Variants in DRAM1 observed in about 807,000 individuals in gnomAD.
DRAM1 encodes the protein DNA damage-regulated autophagy modulator protein 1.
DRAM1 carries 25 observed loss-of-function variants against 28.5 expected under a neutral mutation model. The ratio of observed to expected loss-of-function variants is 0.88; its 90% CI spans 0.64 to 1.23. The LOEUF is 1.23. DRAM1 is among the 50% of genes most tolerant of loss of function. The pLI, the probability that DRAM1 is intolerant of heterozygous loss-of-function variation, is 0.00. For synonymous variants in DRAM1, 113 were observed against 114.2 expected, an observed-to-expected ratio of 0.99 and a Z score of 0.07; for missense variants, 249 against 299.2, an observed-to-expected ratio of 0.83 and a Z score of 1.24.
chr12:101,918,225 A>T (rs1418472311), intron 5 of DRAM1, among the ~76,000 whole-genome samples: 1 of 151,962 alleles, frequency 6.6e-6, no homozygotes, highest in African/African-American at 2.4e-5. Context: ...TGGTAGGGGG[A>T]GGTGAGAATT....
Position 101,908,310 on chromosome 12 carries a change from C to T in DRAM1, c.467C>T (p.Thr156Ile), listed in dbSNP as rs1374665648. Residue 156 changes from threonine (T) to isoleucine (I), a missense_variant, in exon 4 of 7, where the codon ACA (threonine) becomes ATA (isoleucine). Thr to Ile is a moderately conservative substitution (Grantham distance 89). Coordinates refer to ENST00000258534, the MANE Select transcript of DRAM1 (RefSeq NM_018370.3). ...TGTCCCCAGTGGAACAGTCTCTCGACATGCCACATACGGATGGTCATCTCT... is the reference window on the plus strand; with the variant it reads ...TGTCCCCAGTGGAACAGTCTCTCGATATGCCACATACGGATGGTCATCTCT... ...KSCPQWNSLS[T>I]CHIRMVISAV... 4 of 1,614,176 alleles carry T rather than the reference C, an allele frequency of 2.5e-6. No homozygotes were observed. The highest frequency in any genetic ancestry group is 3.4e-6 in the Non-Finnish European group (4 of 1,180,032).
intron 1 of DRAM1, among the ~76,000 whole-genome samples, chr12:101,895,089 A>G (rs4764670): frequency 0.52 from 77,713 of 150,642 alleles, 20,446 homozygotes; most frequent in East Asian, 0.64. Context: ...CCCATTCAGC[A>G]TTGTGCTCAG....
At position 101,877,635 on chromosome 12, in the gene DRAM1, C is replaced by T; in HGVS notation, c.-155C>T. On this transcript the variant is annotated 5_prime_UTR_variant, in exon 1 of 7. Transcript: ENST00000258534. This position sits in a 1 kb window ranked among gnomAD's most constrained non-coding sequence, Gnocchi z 4.1. The stretch of plus-strand genomic sequence containing the variant: ...CCTCGCTCCGCTCCTCGCGCTTCCC[C>T]TCCCTCCGGGGCTGGGCCTGCCCCG... The T allele has an allele frequency of 4.6e-6, 2 of 438,940 alleles. No individual in the cohort carries two copies. Among genetic ancestry groups the T allele is most frequent in the Non-Finnish European group, 7.1e-6 (2 of 282,190 alleles). 27.2% of individuals were successfully genotyped at this position (438,940 alleles called of 1,614,324 possible). A position where few individuals can be genotyped will look rare whatever the true frequency, so the allele number is the denominator to read the frequency against.
At chr12:101,892,275 G>T (rs533534190) in intron 1 of DRAM1, among the ~76,000 whole-genome samples, 1 of 150,286 alleles carries the variant, frequency 6.7e-6, no homozygotes, top group Non-Finnish European at 1.5e-5. Context: ...TTGCTGTGTC[G>T]CCCAGGCTGG....
chr12:101,919,456 A>AACTGAGTTTG (rs1204780888), intron 5 of DRAM1, among the ~76,000 whole-genome samples: 2 of 152,286 alleles, frequency 1.3e-5, no homozygotes, highest in Admixed American at 6.5e-5. Context: ...CTCCATAGGC[A>AACTGAGTTTG]ACTGAGTTTG....
chr12:101,889,994 G>A (rs2121044525), intron 1 of DRAM1: 1 of 441,192 alleles, frequency 2.3e-6, no homozygotes, highest in Non-Finnish European at 4.5e-6. Flanking sequence ...CTAATGTTGT[G>A]AAGATCAAGT....
intron 1 of DRAM1, among the ~76,000 whole-genome samples, chr12:101,882,835 C>CTTTTT (rs35171315): frequency 8.9e-6 from 1 of 112,576 alleles, no homozygotes; most frequent in Non-Finnish European, 1.7e-5. Context: ...ATGCAACAGC[C>CTTTTT]TTTTTTTTTT....
At chr12:101,896,852 A>ATC (rs1396178370) in intron 1 of DRAM1, among the ~76,000 whole-genome samples, 1 of 150,084 alleles carries the variant, frequency 6.7e-6, no homozygotes, top group Non-Finnish European at 1.5e-5. Context: ...CAATGGTGTG[A>ATC]TCTCGGCTCA....
At chr12:101,888,087 A>G (rs1237239372) in intron 1 of DRAM1, among the ~76,000 whole-genome samples, 1 of 152,168 alleles carries the variant, frequency 6.6e-6, no homozygotes, top group Non-Finnish European at 1.5e-5. Context: ...ACAAAGATGA[A>G]AAGGTAGGCA....
In DRAM1 at chr12:101,877,914, A is replaced by G. The variant is rs1396383360; in HGVS notation, c.125A>G (p.Tyr42Cys). 2.6e-6 allele frequency: 4 copies of G among 1,533,050 alleles called. No homozygotes were observed. Among genetic ancestry groups the G allele is most frequent in the African/African-American group, 2.7e-5 (2 of 72,784 alleles). 95.0% of individuals were successfully genotyped at this position (1,533,050 alleles called of 1,614,324 possible). ...GGGCACGTCAACCCCTTCCTCCCGTATATCAGGTGAGTGGCAGGGTGGGCG... is the reference window on the plus strand; with the variant it reads ...GGGCACGTCAACCCCTTCCTCCCGTGTATCAGGTGAGTGGCAGGGTGGGCG... Reference protein sequence around the residue: ...LSGHVNPFLPYISDTGTTPPE... With the variant: ...LSGHVNPFLPCISDTGTTPPE... The change falls in exon 1 of 7, where the codon TAT (tyrosine) becomes TGT (cysteine). Residue 42 changes from tyrosine (Y) to cysteine (C), a missense_variant. Tyr to Cys is a radical substitution (Grantham distance 194). Coordinates refer to ENST00000258534, the MANE Select transcript of DRAM1 (RefSeq NM_018370.3). The surrounding 1 kb of genome is among the most constrained non-coding windows in gnomAD (Gnocchi z 4.1).
chr12:101,913,571 G>C (rs912985728), intron 4 of DRAM1, among the ~76,000 whole-genome samples: 2 of 151,858 alleles, frequency 1.3e-5, no homozygotes, highest in Non-Finnish European at 2.9e-5. Flanking sequence ...GCCAGGCATG[G>C]TGGTGGGTGC....
At chr12:101,906,555 C>T (rs1873815376) in intron 3 of DRAM1, among the ~76,000 whole-genome samples, 1 of 152,196 alleles carries the variant, frequency 6.6e-6, no homozygotes, top group South Asian at 2.1e-4. Context: ...GCCCAGTGCA[C>T]ATTTGAAAGG....
chr12:101,880,155 C>T (rs1872643043), intron 1 of DRAM1, among the ~76,000 whole-genome samples: 2 of 152,010 alleles, frequency 1.3e-5, no homozygotes, highest in Non-Finnish European at 1.5e-5. Context: ...TCCATTGATC[C>T]TCCCACCTCA....
chr12:101,882,194 C>T (rs543355794), intron 1 of DRAM1, among the ~76,000 whole-genome samples: 7 of 150,092 alleles, frequency 4.7e-5, no homozygotes, highest in Non-Finnish European at 8.9e-5. Flanking sequence ...CTGCAAGCTC[C>T]GCCTCCCGGG....
At chr12:101,893,331 G>GT (rs954601799) in intron 1 of DRAM1, among the ~76,000 whole-genome samples, 8 of 152,014 alleles carry the variant, frequency 5.3e-5, no homozygotes, top group Non-Finnish European at 1.2e-4. Flanking sequence ...TATTTATTTC[G>GT]TTTTTTTGTT....
intron 1 of DRAM1, among the ~76,000 whole-genome samples, chr12:101,887,555 AAGTCT>A (rs1872934474): frequency 6.7e-6 from 1 of 149,062 alleles, no homozygotes. Context: ...TTTTGAGACG[AAGTCT>A]CACTCTGTCA....
intron 5 of DRAM1, 46 bp from the exon 6 acceptor site, chr12:101,920,063 A>G: frequency 7.3e-7 from 1 of 1,375,544 alleles, no homozygotes; most frequent in Non-Finnish European, 1.0e-6. Flanking sequence ...TGTACATTAA[A>G]GTGAGTCTTT....
chr12:101,920,270 AT>A lies in DRAM1; in HGVS notation c.672+73del, dbSNP rs1874428234. On this transcript the variant is annotated intron_variant, in intron 6 of 6. Transcript: ENST00000258534. ...GGATTAGTAAAAATTTGCAGAAGAC[AT>A]TTTGCATTTTTAAAAAGAGCACTTT... The A allele has an allele frequency of 2.8e-6, 3 of 1,059,358 alleles. No individual in the cohort carries two copies. The African/African-American group carries it at 4.8e-5, about 17-fold the overall frequency. The allele number at this position is 1,059,358 out of a possible 1,614,324, so 65.6% of individuals were successfully genotyped here.
intron 5 of DRAM1, among the ~76,000 whole-genome samples, chr12:101,916,625 G>A (rs1413784495): frequency 1.3e-5 from 2 of 152,190 alleles, no homozygotes; most frequent in Non-Finnish European, 2.9e-5. Flanking sequence ...AATCAAGGAT[G>A]CCCCAGGAAA....
Sources: allele counts gnomAD v4.1 joint callset (sites outside exome capture counted in the v4.1 genomes callset), GRCh38; gene constraint gnomAD v4.1.1; non-coding constraint Gnocchi (gnomAD v3.1); transcripts MANE v1.5; gene names NCBI Gene and HGNC (gene_info 2026-07-23, HGNC 2026-07-21).